The following GLIS2 variants were observed in gnomAD, a reference collection of about 807,000 sequenced individuals.
GLIS2 encodes the protein GLIS family zinc finger 2.
GLIS2 carries 14 observed loss-of-function variants against 35.6 expected under a neutral mutation model. That is an observed-to-expected ratio of 0.39 (90% CI 0.26 to 0.61). GLIS2 has a LOEUF of 0.61. Ranked by LOEUF, GLIS2 falls within the 20% of genes least tolerant of loss-of-function variation. GLIS2 has a pLI of 0.48. For missense variants in GLIS2, 675 were observed against 713.4 expected (o/e 0.95, Z 0.61); for synonymous variants, 368 against 325.1 (o/e 1.13, Z -1.42).
In GLIS2 at chr16:4,320,705, A is replaced by G. The variant is rs35108574; in HGVS notation, c.-67+4451A>G. Among the ~76,000 whole-genome samples the G allele has an allele frequency of 0.27, 40,879 of 151,868 alleles. 9,055 individuals are homozygous for G. Among genetic ancestry groups the G allele is most frequent in the African/African-American group, 0.61 (25,302 of 41,426 alleles). On this transcript the variant is annotated intron_variant, in intron 1 of 6. Coordinates refer to ENST00000433375, the MANE Select transcript of GLIS2 (RefSeq NM_032575.3). The surrounding 1 kb of genome is among the most constrained non-coding windows in gnomAD (Gnocchi z 5.6). ...GCCAGTTCTCCCCTGGGCCACTCCCACCTTCATCCAGAGCCCCCATTCCCC... is the reference window on the plus strand; with the variant it reads ...GCCAGTTCTCCCCTGGGCCACTCCCGCCTTCATCCAGAGCCCCCATTCCCC...
intron 2 of GLIS2, 81 bp from the exon 3 acceptor site, chr16:4,333,266 C>A: frequency 6.6e-7 from 1 of 1,523,124 alleles, no homozygotes; most frequent in Non-Finnish European, 9.0e-7. Flanking sequence ...CCCAAGGTCA[C>A]AGTGGGGGTT....
intron 1 of GLIS2, among the ~76,000 whole-genome samples, chr16:4,330,102 C>T (rs1247846732): frequency 3.9e-5 from 6 of 152,150 alleles, no homozygotes; most frequent in South Asian, 2.1e-4. Flanking sequence ...CATGGTGAAA[C>T]GCTGTCGCTA....
chr16:4,323,988 TG>T (rs1178776849), intron 1 of GLIS2, among the ~76,000 whole-genome samples: 1 of 152,156 alleles, frequency 6.6e-6, no homozygotes, highest in Non-Finnish European at 1.5e-5. Context: ...CCAGGCAGCC[TG>T]GCCCTGGGGC....
rs9936480 is a variant in GLIS2 at position 4,336,640 on chromosome 16, G to C, written c.776-85G>C. On this transcript the variant is annotated intron_variant, in intron 6 of 6. Coordinates refer to ENST00000433375, the MANE Select transcript of GLIS2 (RefSeq NM_032575.3). ...CATCTATGTTCCCAGGGAGTGCTTGGCCCGGGGAAATGTTGAGTGCATGGG... is the reference window on the plus strand; with the variant it reads ...CATCTATGTTCCCAGGGAGTGCTTGCCCCGGGGAAATGTTGAGTGCATGGG... The C allele has an allele frequency of 1.2e-4, 166 of 1,360,640 alleles. No individual in the cohort carries two copies. The African/African-American group carries it at 2.2e-3, about 18-fold the overall frequency. 84.3% of individuals were successfully genotyped at this position (1,360,640 alleles called of 1,614,324 possible).
intron 1 of GLIS2, among the ~76,000 whole-genome samples, chr16:4,319,860 C>T (rs1282970077): frequency 6.6e-6 from 1 of 152,128 alleles, no homozygotes; most frequent in Non-Finnish European, 1.5e-5. Context: ...AGGCCGGGTA[C>T]TCGCCTTCCA....
At position 4,334,785 on chromosome 16, in the gene GLIS2, T is replaced by A. The variant is rs1409883889; in HGVS notation, c.346-16T>A. The A allele has an allele frequency of 2.5e-6, 4 of 1,612,964 alleles. No individual in the cohort carries two copies. The South Asian group carries it at 4.4e-5, about 18-fold the overall frequency. On this transcript the variant is annotated splice_polypyrimidine_tract_variant and intron_variant, in intron 3 of 6. Transcript: ENST00000433375. Reference sequence around the variant, plus strand: ...GGGCCAGCAGGACCTTGACTAGCCCTCCCCTCGCACCCCAGGACTTCCAGC... The same window carrying A: ...GGGCCAGCAGGACCTTGACTAGCCCACCCCTCGCACCCCAGGACTTCCAGC...
At chr16:4,317,375 C>T (rs750674917) in intron 1 of GLIS2, among the ~76,000 whole-genome samples, 9 of 152,160 alleles carry the variant, frequency 5.9e-5, no homozygotes, top group Non-Finnish European at 1.2e-4. Context: ...GGTAGTAGGC[C>T]GCCATCCTGC....
chr16:4,316,125 A>T lies in GLIS2; in HGVS notation c.-196A>T, dbSNP rs1481735370. On this transcript the variant is annotated 5_prime_UTR_variant, in exon 1 of 7. Transcript: ENST00000433375. ...CGGCCGGGCGCCGGGCGGCCGTGCC[A>T]GGGGAGCCCGCGCCCCGTGAGGCCT... Among the ~76,000 whole-genome samples, 1 of 50,026 alleles carries T rather than the reference A, an allele frequency of 2.0e-5. No individual in the cohort carries two copies. The highest frequency in any genetic ancestry group is 3.6e-5 in the Non-Finnish European group (1 of 27,458). The allele number at this position is 50,026 out of a possible 152,430, so 32.8% of individuals were successfully genotyped here. A position where few individuals can be genotyped will look rare whatever the true frequency, so the allele number is the denominator to read the frequency against.
rs1567224933 is a variant in GLIS2 at position 4,337,113 on chromosome 16, C to CGGTGGGGGCAGTGGG, written c.1173_1187dup (p.Ser392_Gly396dup). On this transcript the variant is annotated inframe_insertion, in exon 7 of 7. Coordinates refer to ENST00000433375, the MANE Select transcript of GLIS2 (RefSeq NM_032575.3). Reference sequence around the variant, plus strand: ...ACCTCAGTGCCCTGGCCTGTGGCAACGGTGGGGGCAGTGGGGGTGGGGGGG... The same window carrying CGGTGGGGGCAGTGGG: ...ACCTCAGTGCCCTGGCCTGTGGCAACGGTGGGGGCAGTGGGGGTGGGGGCAGTGGGGGTGGGGGGG... The CGGTGGGGGCAGTGGG allele has an allele frequency of 1.3e-6, 2 of 1,535,790 alleles. No individual in the cohort carries two copies. Among genetic ancestry groups the CGGTGGGGGCAGTGGG allele is most frequent in the South Asian group, 1.2e-5 (1 of 83,834 alleles).
chr16:4,321,920 T>C (rs1172228033), intron 1 of GLIS2, among the ~76,000 whole-genome samples: 1 of 152,154 alleles, frequency 6.6e-6, no homozygotes, highest in Non-Finnish European at 1.5e-5. Context: ...CGGGACAGCC[T>C]GCCTCCAGCG....
At position 4,332,350 on chromosome 16, in the gene GLIS2, C is replaced by T. The variant is rs34543395; in HGVS notation, c.70C>T (p.Arg24Trp). 12 of 1,613,030 alleles carry T rather than the reference C, an allele frequency of 7.4e-6. No homozygotes were observed. The highest frequency in any genetic ancestry group is 1.3e-5 in the African/African-American group (1 of 74,940). ...ITKLRAAREK[R>W]ERTLGVVRPR... Reference sequence around the variant, plus strand: ...CAAGCTCCGGGCGGCAAGAGAGAAGCGGGAGAGGACGCTGGGTGTGGTCCG... The same window carrying T: ...CAAGCTCCGGGCGGCAAGAGAGAAGTGGGAGAGGACGCTGGGTGTGGTCCG... The change falls in exon 2 of 7, where the codon CGG (arginine) becomes TGG (tryptophan). Residue 24 changes from arginine (R) to tryptophan (W), a missense_variant. Physicochemically the swap from Arg to Trp is moderately radical, Grantham distance 101. Coordinates refer to ENST00000433375, the MANE Select transcript of GLIS2 (RefSeq NM_032575.3). This position sits in a 1 kb window ranked among gnomAD's most constrained non-coding sequence, Gnocchi z 5.4.
rs2053556172 is a variant in GLIS2 at position 4,336,785 on chromosome 16, A to T, written c.836A>T (p.Asp279Val). 6.2e-7 allele frequency: 1 copy of T among 1,611,238 alleles called. No homozygotes were observed. Among genetic ancestry groups the T allele is most frequent in the Admixed American group, 1.7e-5 (1 of 59,778 alleles). Residue 279 changes from aspartate (D) to valine (V), a missense_variant, in exon 7 of 7, where the codon GAC becomes GTC. Physicochemically the swap from Asp to Val is radical, Grantham distance 152. This residue lies in a region of GLIS2 where 133 missense variants were observed against 191.4 expected (regional missense o/e 0.69). Transcript: ENST00000433375. ...GCNKRYSNSS[D>V]RFKHTRTHYV... The stretch of plus-strand genomic sequence containing the variant: ...AACAAGCGCTATTCCAACTCCAGTG[A>T]CCGCTTTAAGCACACGCGCACCCAC...
upstream of GLIS2, among the ~76,000 whole-genome samples, chr16:4,315,765 G>A (rs1288641320): frequency 1.3e-5 from 2 of 148,744 alleles, no homozygotes; most frequent in Non-Finnish European, 3.0e-5. Flanking sequence ...CGCTCCCCGC[G>A]GCCGCGCCGC....
At chr16:4,328,120 C>T (rs117741721) in intron 1 of GLIS2, 3,171 of 152,434 alleles carry the variant, frequency 0.021, 65 homozygotes, top group Middle Eastern at 0.044. Context: ...CCACGGGGTG[C>T]CCCCACCTGA....
chr16:4,316,019 G>A (rs1160308044), upstream of GLIS2, among the ~76,000 whole-genome samples: 2 of 23,834 alleles, frequency 8.4e-5, no homozygotes, highest in Non-Finnish European at 2.0e-4. Flanking sequence ...CCTCCCGCCC[G>A]CCCGCCCTCC....
chr16:4,318,485 A>G (rs1271785955), intron 1 of GLIS2, among the ~76,000 whole-genome samples: 1 of 152,214 alleles, frequency 6.6e-6, no homozygotes, highest in Admixed American at 6.5e-5. Flanking sequence ...AATCGTGTGA[A>G]CCGCGTCCCC....
At position 4,338,736 on chromosome 16, in the gene GLIS2, T is replaced by C; in HGVS notation, c.*1212T>C. On this transcript the variant is annotated 3_prime_UTR_variant, in exon 7 of 7. Transcript: ENST00000433375. The stretch of plus-strand genomic sequence containing the variant: ...CTAACACCCAGTGGGCCCCCCCAGG[T>C]TCTGTGCCACTCAGAGGGACCCTGG... The C allele has an allele frequency of 6.5e-6, 1 of 152,718 alleles. No individual in the cohort carries two copies. Among genetic ancestry groups the C allele is most frequent in the Non-Finnish European group, 1.5e-5 (1 of 68,394 alleles). The allele number at this position is 152,718 out of a possible 1,614,324, so 9.5% of individuals were successfully genotyped here. A position where few individuals can be genotyped will look rare whatever the true frequency, so the allele number is the denominator to read the frequency against.
rs1421934139 is a variant in GLIS2, at chr16:4,320,221, C to T, written c.-67+3967C>T. ...ACGGAGACCCAGCCCTGGCCCCTTCCTCCAGTCATGGCCAAGGGCGGGTGG... is the reference window on the plus strand; with the variant it reads ...ACGGAGACCCAGCCCTGGCCCCTTCTTCCAGTCATGGCCAAGGGCGGGTGG... On this transcript the variant is annotated intron_variant, in intron 1 of 6. Transcript: ENST00000433375. This position sits in a 1 kb window ranked among gnomAD's most constrained non-coding sequence, Gnocchi z 5.6. Among the ~76,000 whole-genome samples the T allele has an allele frequency of 6.6e-6, 1 of 152,150 alleles. No individual in the cohort carries two copies. Among genetic ancestry groups the T allele is most frequent in the Non-Finnish European group, 1.5e-5 (1 of 68,012 alleles).
At chr16:4,318,902 A>G (rs1020191454) in intron 1 of GLIS2, among the ~76,000 whole-genome samples, 2 of 152,170 alleles carry the variant, frequency 1.3e-5, no homozygotes, top group African/African-American at 4.8e-5. Flanking sequence ...AGTGCCGGCC[A>G]GGGTTTGGGG....
Sources: allele counts gnomAD v4.1 joint callset (sites outside exome capture counted in the v4.1 genomes callset), GRCh38; gene constraint gnomAD v4.1.1; regional missense constraint gnomAD v4.1.1; non-coding constraint Gnocchi (gnomAD v3.1); transcripts MANE v1.5; gene names NCBI Gene and HGNC (gene_info 2026-07-23, HGNC 2026-07-21).